Variants in ZNF536 observed in about 807,000 individuals in gnomAD.
ZNF536 encodes zinc finger protein 536.
In ZNF536, 13 loss-of-function variants were observed where a neutral mutation model predicts 84.5. That is an observed-to-expected ratio of 0.15 (90% CI 0.10 to 0.24). ZNF536 has a LOEUF of 0.24. Among genes scored for constraint, ZNF536 ranks in the 10% least tolerant of loss-of-function variants. The pLI, the probability that ZNF536 is intolerant of heterozygous loss-of-function variation, is 1.00. For synonymous variants in ZNF536, 811 were observed against 742.5 expected (o/e 1.09, Z -1.50); for missense variants, 1,536 against 1,747.5 (o/e 0.88, Z 2.16).
intron 1 of ZNF536, among the ~76,000 whole-genome samples, chr19:30,687,457 A>C (rs2051235877): frequency 6.6e-6 from 1 of 152,160 alleles, no homozygotes; most frequent in Admixed American, 6.5e-5. Context: ...TTAAAGCTGA[A>C]TTTATTTTAC....
At chr19:30,590,866 GC>G (rs1392385217) in intron 1 of ZNF536, among the ~76,000 whole-genome samples, 1 of 152,228 alleles carries the variant, frequency 6.6e-6, no homozygotes, top group African/African-American at 2.4e-5. Flanking sequence ...TGAAGGGAAG[GC>G]CAGTCCTTGG....
rs374733439 is a variant in ZNF536, at chr19:30,263,579, G to A, written c.-189-20493G>A. Among the ~76,000 whole-genome samples, 122 of 152,206 alleles carry A rather than the reference G, an allele frequency of 8.0e-4. 1 individual carries two copies. Among genetic ancestry groups the A allele is most frequent in the African/African-American group, 2.8e-3 (118 of 41,514 alleles). On this transcript the variant is annotated intron_variant, in intron 1 of 5. Coordinates refer to the ZNF536 transcript ENST00000585628. ...TGAAAGGTGATCTCATTCGCAACTC[G>A]GCGACTCCAATCTTCTGTGCGTTTT...
intron 1 of ZNF536, among the ~76,000 whole-genome samples, chr19:30,566,396 C>G (rs2046346849): frequency 6.6e-6 from 1 of 152,252 alleles, no homozygotes; most frequent in Non-Finnish European, 1.5e-5. Context: ...ATAATAAAGA[C>G]TTCCTCTGTG....
rs553579530 is a variant in ZNF536, at chr19:30,655,594, G to A, written c.170-55163G>A. Among the ~76,000 whole-genome samples the A allele has an allele frequency of 2.0e-5, 3 of 152,340 alleles. No homozygotes were observed. The South Asian group carries it at 6.2e-4, about 32-fold the overall frequency. On this transcript the variant is annotated intron_variant, in intron 1 of 1. Coordinates refer to the ZNF536 transcript ENST00000592773. ...GCTACCCAAGACATGGGTGGGAAGGGAATGAGGTTGGGGAATAGGGCAGAA... is the reference window on the plus strand; with the variant it reads ...GCTACCCAAGACATGGGTGGGAAGGAAATGAGGTTGGGGAATAGGGCAGAA...
At chr19:30,264,395 C>CTGTGTGTGTGTGTGTGTGTGTG (rs66665013) in intron 1 of ZNF536, among the ~76,000 whole-genome samples, 1 of 124,556 alleles carries the variant, frequency 8.0e-6, no homozygotes, top group African/African-American at 2.7e-5. Flanking sequence ...AGTTGTGCCT[C>CTGTGTGTGTGTGTGTGTGTGTG]TGTGTGTGTG....
intron 2 of ZNF536, among the ~76,000 whole-genome samples, chr19:30,526,807 G>A (rs982721511): frequency 6.6e-5 from 10 of 151,630 alleles, no homozygotes; most frequent in African/African-American, 2.4e-4. Flanking sequence ...TGATCTTGAA[G>A]CCCTGGTATA....
chr19:30,425,175 C>T (rs1245843326), intron 1 of ZNF536, among the ~76,000 whole-genome samples: 1 of 151,768 alleles, frequency 6.6e-6, no homozygotes, highest in Non-Finnish European at 1.5e-5. Flanking sequence ...ACCAAAATCT[C>T]ACAGTTCACC....
chr19:30,283,742 G>A (rs202140419), intron 1 of ZNF536, among the ~76,000 whole-genome samples: 3,620 of 146,946 alleles, frequency 0.025, 165 homozygotes, highest in African/African-American at 0.084. Flanking sequence ...AGAGAGAGAG[G>A]GAGAGAGAGA....
chr19:30,390,514 C>T (rs1182699020), intron 1 of ZNF536, among the ~76,000 whole-genome samples: 2 of 152,204 alleles, frequency 1.3e-5, no homozygotes, highest in African/African-American at 4.8e-5. Context: ...GGCTCCCCAG[C>T]CCCTATGCTG....
chr19:30,497,394 A>G lies in ZNF536; in HGVS notation c.2171-37453A>G, dbSNP rs1281499956. ...TGCAGGGACGCATCCAGTGTAGATG[A>G]GAAAGGGGTAGCTTCTGACACATCT... On this transcript the variant is annotated intron_variant, in intron 2 of 4. Coordinates refer to ENST00000355537, the MANE Select transcript of ZNF536 (RefSeq NM_014717.3). 2.6e-5 allele frequency among the ~76,000 whole-genome samples: 4 copies of G among 151,502 alleles called. No individual in the cohort carries two copies. In the South Asian group the frequency reaches 8.4e-4, roughly 32 times the overall value.
chr19:30,428,004 G>A (rs1311150043), intron 1 of ZNF536, among the ~76,000 whole-genome samples: 1 of 152,218 alleles, frequency 6.6e-6, no homozygotes, highest in East Asian at 1.9e-4. Flanking sequence ...GCCAAATTTT[G>A]TTGCTTTTGT....
At chr19:30,388,563 C>T (rs948310404) in intron 1 of ZNF536, among the ~76,000 whole-genome samples, 3 of 152,114 alleles carry the variant, frequency 2.0e-5, no homozygotes, top group Non-Finnish European at 4.4e-5. Flanking sequence ...ACGATCGCCT[C>T]GTCCCTCCTG....
intron 1 of ZNF536, among the ~76,000 whole-genome samples, chr19:30,427,418 A>G (rs1444913358): frequency 1.3e-5 from 2 of 152,154 alleles, no homozygotes; most frequent in African/African-American, 2.4e-5. Flanking sequence ...CTCAGGAAAA[A>G]CAATGATTTT....
At chr19:30,522,672 C>A (rs2044408552) in intron 2 of ZNF536, among the ~76,000 whole-genome samples, 1 of 152,060 alleles carries the variant, frequency 6.6e-6, no homozygotes, top group Non-Finnish European at 1.5e-5. Context: ...AGCCCTCTTT[C>A]CTGGGATTTA....
intron 1 of ZNF536, among the ~76,000 whole-genome samples, chr19:30,238,533 A>G (rs907075417): frequency 6.6e-6 from 1 of 152,080 alleles, no homozygotes; most frequent in African/African-American, 2.4e-5. Context: ...GACATTATAA[A>G]CTGTGCTTTC....
At chr19:30,309,039 T>C (rs542527241) in intron 2 of ZNF536, among the ~76,000 whole-genome samples, 4 of 151,982 alleles carry the variant, frequency 2.6e-5, no homozygotes, top group African/African-American at 4.8e-5. Flanking sequence ...AGCAAGACTT[T>C]CCCACCCTGG....
intron 1 of ZNF536, among the ~76,000 whole-genome samples, chr19:30,589,880 C>A (rs1315629279): frequency 1.3e-5 from 2 of 152,154 alleles, no homozygotes; most frequent in Non-Finnish European, 2.9e-5. Context: ...ACAGAAATTC[C>A]CAGGGGTTCC....
At chr19:30,551,122 G>T (rs1211727190) in intron 4 of ZNF536, among the ~76,000 whole-genome samples, 2 of 143,968 alleles carry the variant, frequency 1.4e-5, no homozygotes, top group Admixed American at 6.9e-5. Flanking sequence ...TTTTATTGTT[G>T]TTTAGAGTCT....
intron 1 of ZNF536, among the ~76,000 whole-genome samples, chr19:30,605,711 G>C (rs573908625): frequency 6.6e-6 from 1 of 152,290 alleles, no homozygotes; most frequent in South Asian, 2.1e-4. Flanking sequence ...CCAGGAGTGG[G>C]ATTCCTGGAT....
Sources: allele counts gnomAD v4.1 joint callset (sites outside exome capture counted in the v4.1 genomes callset), GRCh38; gene constraint gnomAD v4.1.1; transcripts MANE v1.5; gene names NCBI Gene and HGNC (gene_info 2026-07-23, HGNC 2026-07-21).